Variants in PTPRD observed in about 807,000 individuals in gnomAD.
The protein encoded by PTPRD is receptor-type tyrosine-protein phosphatase delta.
In PTPRD, 34 loss-of-function variants were observed where a neutral mutation model predicts 214.5. That is an observed-to-expected ratio of 0.16 (90% confidence interval 0.12 to 0.21). The LOEUF is 0.21. Ranked by LOEUF, PTPRD falls within the 10% of genes least tolerant of loss-of-function variation. The pLI, the probability that PTPRD is intolerant of heterozygous loss-of-function variation, is 1.00. For synonymous variants in PTPRD, 1,128 were observed against 845.7 expected, an observed-to-expected ratio of 1.33 and a Z score of -5.79; for missense variants, 2,545 against 2,398.7, an observed-to-expected ratio of 1.06 and a Z score of -1.27.
At chr9:9,631,626 G>A (rs1358952186) in intron 7 of PTPRD, among the ~76,000 whole-genome samples, 2 of 152,086 alleles carry the variant, frequency 1.3e-5, no homozygotes, top group Non-Finnish European at 1.5e-5. Flanking sequence ...CTCACCCAGC[G>A]CAGACACAAG....
At chr9:9,651,911 T>C (rs1175365819) in intron 7 of PTPRD, among the ~76,000 whole-genome samples, 1 of 143,568 alleles carries the variant, frequency 7.0e-6, no homozygotes, top group Non-Finnish European at 1.5e-5. Context: ...CTTGGCTCAC[T>C]GCAAGTTCCG....
intron 2 of PTPRD, among the ~76,000 whole-genome samples, chr9:10,388,810 A>C (rs2097986259): frequency 6.6e-6 from 1 of 151,830 alleles, no homozygotes; most frequent in African/African-American, 2.4e-5. Flanking sequence ...AGTGTGAGGA[A>C]TAGAGGTAGA....
At position 8,817,057 on chromosome 9, in the gene PTPRD, G is replaced by C. The variant is rs199952568; in HGVS notation, c.-103-83111C>G. 9.2e-5 allele frequency among the ~76,000 whole-genome samples: 14 copies of C among 152,282 alleles called. No homozygotes were observed. In the East Asian group the frequency reaches 2.7e-3, roughly 29 times the overall value. Reference sequence around the variant, plus strand: ...AACAATATGAACCCCTTTGATTAAAGAATATTTTTCCTTCGGTATAGCATG... The same window carrying C: ...AACAATATGAACCCCTTTGATTAAACAATATTTTTCCTTCGGTATAGCATG... On this transcript the variant is annotated intron_variant, in intron 11 of 45. Coordinates refer to ENST00000381196, the MANE Select transcript of PTPRD (RefSeq NM_002839.4).
intron 5 of PTPRD, among the ~76,000 whole-genome samples, chr9:9,933,307 A>G (rs1248644481): frequency 1.3e-5 from 2 of 152,152 alleles, no homozygotes; most frequent in Non-Finnish European, 2.9e-5. Context: ...GTCAAGACCC[A>G]TCAGTGTGCT....
intron 8 of PTPRD, among the ~76,000 whole-genome samples, chr9:9,467,971 GTCCAACTTTACTATTAAACATCACTA>G (rs1453934964): frequency 2.0e-5 from 3 of 151,892 alleles, no homozygotes; most frequent in Non-Finnish European, 4.4e-5. Flanking sequence ...TCCTGTAATT[GTCCAACTTTACTATTAAACATCACTA>G]TCCTTGAATA....
intron 40 of PTPRD, 36 bp from the exon 41 acceptor site, chr9:8,341,304 A>G (rs778846767): frequency 1.7e-5 from 26 of 1,545,808 alleles, no homozygotes; most frequent in Non-Finnish European, 2.3e-5. Context: ...GAAAAACCCA[A>G]CAAAGATCAT....
In PTPRD at chr9:10,219,568, G is replaced by T. The variant is rs960911862; in HGVS notation, c.-545+121395C>A. On this transcript the variant is annotated intron_variant, in intron 3 of 45. Transcript: ENST00000381196. ...TTCAGGGTAAAAAGTTGGGGGGAAA[G>T]GTCCCAGTAATTTGGATAGCAAAGC... 4.6e-5 allele frequency among the ~76,000 whole-genome samples: 7 copies of T among 151,758 alleles called. No homozygotes were observed. In the East Asian group the frequency reaches 5.8e-4, roughly 13 times the overall value.
chr9:9,095,575 C>T (rs1429655379), intron 10 of PTPRD, among the ~76,000 whole-genome samples: 7 of 152,142 alleles, frequency 4.6e-5, no homozygotes, highest in African/African-American at 1.7e-4. Context: ...AGTAATCCTC[C>T]TGCCTCAGTC....
chr9:10,122,523 G>GA (rs879637793), intron 3 of PTPRD, among the ~76,000 whole-genome samples: 92 of 150,318 alleles, frequency 6.1e-4, no homozygotes, highest in Admixed American at 1.3e-3. Context: ...TGAAGAATAA[G>GA]AAAAAAAAAC....
chr9:9,147,755 TC>T (rs1251450341), intron 10 of PTPRD, among the ~76,000 whole-genome samples: 1 of 152,038 alleles, frequency 6.6e-6, no homozygotes, highest in Admixed American at 6.6e-5. Flanking sequence ...TTTGAGACCC[TC>T]CCCCCTCTCC....
chr9:10,276,822 C>T (rs932654372), intron 3 of PTPRD, among the ~76,000 whole-genome samples: 1 of 152,134 alleles, frequency 6.6e-6, no homozygotes, highest in Non-Finnish European at 1.5e-5. Flanking sequence ...GTGAGAAAAG[C>T]CAACCCAAAT....
chr9:8,460,716 G>A, intron 32 of PTPRD, 145 bp from the exon 33 acceptor site: 1 of 728,470 alleles, frequency 1.4e-6, no homozygotes, highest in Non-Finnish European at 2.1e-6. Context: ...GAGGGGAGGG[G>A]AGAGGAGAAT....
intron 9 of PTPRD, among the ~76,000 whole-genome samples, chr9:9,319,181 C>T (rs1317234963): frequency 1.3e-5 from 2 of 152,272 alleles, no homozygotes; most frequent in South Asian, 2.1e-4. Context: ...CCCTTGAAAA[C>T]AGAATGAATG....
At chr9:8,506,815 T>G (rs533137799) in intron 22 of PTPRD, among the ~76,000 whole-genome samples, 1 of 152,218 alleles carries the variant, frequency 6.6e-6, no homozygotes, top group Non-Finnish European at 1.5e-5. Context: ...CTCACCTTCA[T>G]ACCAAATACT....
chr9:10,379,716 T>G (rs1021617854), intron 2 of PTPRD, among the ~76,000 whole-genome samples: 2 of 152,090 alleles, frequency 1.3e-5, no homozygotes, highest in Non-Finnish European at 2.9e-5. Flanking sequence ...TTGATGGTTG[T>G]GCCTTAAAAC....
intron 10 of PTPRD, among the ~76,000 whole-genome samples, chr9:9,122,699 A>T (rs2099818747): frequency 6.6e-6 from 1 of 152,156 alleles, no homozygotes; most frequent in South Asian, 2.1e-4. Flanking sequence ...TTGGATTGAA[A>T]TCCTGTGTTT....
intron 11 of PTPRD, among the ~76,000 whole-genome samples, chr9:8,735,242 C>T (rs2154436395): frequency 6.8e-6 from 1 of 148,130 alleles, no homozygotes; most frequent in Middle Eastern, 3.5e-3. Flanking sequence ...TTCCCAGGTT[C>T]AAGTGGTTCT....
chr9:9,250,279 A>G (rs2099974932), intron 9 of PTPRD, among the ~76,000 whole-genome samples: 1 of 152,070 alleles, frequency 6.6e-6, no homozygotes, highest in South Asian at 2.1e-4. Flanking sequence ...ACCAGTACTG[A>G]TAGAACTTTC....
chr9:8,673,628 TTC>T (rs1214710854), intron 12 of PTPRD, among the ~76,000 whole-genome samples: 3 of 152,212 alleles, frequency 2.0e-5, no homozygotes, highest in African/African-American at 7.2e-5. Context: ...ATTTATGTTT[TTC>T]TCTTTCTATA....
Sources: gnomAD v4.1 joint callset for allele counts (sites outside exome capture counted in the v4.1 genomes callset) on GRCh38, gnomAD v4.1.1 for gene constraint, MANE v1.5 for transcripts, NCBI Gene and HGNC (gene_info 2026-07-23, HGNC 2026-07-21) for gene names.